Variants in NEGR1 observed in about 807,000 individuals in gnomAD.
NEGR1 encodes IgLON family member 4.
A neutral mutation model predicts 40.9 loss-of-function variants in NEGR1; 10 were observed. The ratio of observed to expected loss-of-function variants is 0.24; its 90% CI spans 0.15 to 0.42. The LOEUF is 0.42. NEGR1 is among the 10% of genes least tolerant of loss of function. The pLI, the probability that NEGR1 is intolerant of heterozygous loss-of-function variation, is 1.00. For synonymous variants in NEGR1, 185 were observed against 166.8 expected, an observed-to-expected ratio of 1.11 and a Z score of -0.84; for missense variants, 352 against 438.9, an observed-to-expected ratio of 0.80 and a Z score of 1.77.
chr1:71,589,576 T>C (rs643801), intron 6 of NEGR1, among the ~76,000 whole-genome samples: 136,101 of 152,090 alleles, frequency 0.89, 62,255 homozygotes, highest in Non-Finnish European at 1. Flanking sequence ...CTTAATTCTT[T>C]TCTTATGTAC....
intron 2 of NEGR1, among the ~76,000 whole-genome samples, chr1:71,864,610 A>C (rs757583486): frequency 2.6e-5 from 4 of 152,266 alleles, no homozygotes; most frequent in Non-Finnish European, 5.9e-5. Flanking sequence ...TGCAGCCTTC[A>C]AAGCACCTTC....
chr1:71,514,000 A>G (rs1244766884), intron 6 of NEGR1, among the ~76,000 whole-genome samples: 2 of 122,556 alleles, frequency 1.6e-5, no homozygotes, highest in African/African-American at 6.4e-5. Flanking sequence ...CCACCCGAAT[A>G]TTGCGCTTTT....
At chr1:72,143,572 G>A (rs992350008) in intron 1 of NEGR1, among the ~76,000 whole-genome samples, 13 of 151,564 alleles carry the variant, frequency 8.6e-5, no homozygotes, top group African/African-American at 2.9e-4. Context: ...ATTTTTAAAT[G>A]TGTGTAATTT....
At chr1:71,473,748 T>C (rs1341043509) in intron 6 of NEGR1, among the ~76,000 whole-genome samples, 1 of 152,048 alleles carries the variant, frequency 6.6e-6, no homozygotes, top group Non-Finnish European at 1.5e-5. Context: ...CAGTGGGTGG[T>C]AGTCATCAAA....
At chr1:72,014,025 T>C (rs1029194313) in intron 1 of NEGR1, among the ~76,000 whole-genome samples, 2 of 145,250 alleles carry the variant, frequency 1.4e-5, no homozygotes, top group Non-Finnish European at 3.0e-5. Context: ...AATCTAGAAA[T>C]TGTAGAATTT....
chr1:72,003,640 T>C (rs1197942454), intron 1 of NEGR1, among the ~76,000 whole-genome samples: 3 of 152,100 alleles, frequency 2.0e-5, no homozygotes, highest in Non-Finnish European at 4.4e-5. Flanking sequence ...TAACTAAACT[T>C]GTTTATCCTA....
chr1:71,523,337 G>T (rs1647175496), intron 6 of NEGR1, among the ~76,000 whole-genome samples: 1 of 151,850 alleles, frequency 6.6e-6, no homozygotes, highest in South Asian at 2.1e-4. Flanking sequence ...AATATTTACT[G>T]AATTTCTGGG....
chr1:72,159,472 T>C (rs936389403), intron 1 of NEGR1, among the ~76,000 whole-genome samples: 2 of 152,100 alleles, frequency 1.3e-5, no homozygotes, highest in Non-Finnish European at 2.9e-5. Context: ...CTCCCTGTGG[T>C]CTTCAAGGAC....
At chr1:72,024,492 T>A (rs1646789570) in intron 1 of NEGR1, among the ~76,000 whole-genome samples, 1 of 152,088 alleles carries the variant, frequency 6.6e-6, no homozygotes, top group Non-Finnish European at 1.5e-5. Context: ...ATAAATGGTG[T>A]CACAAAAGCA....
intron 2 of NEGR1, among the ~76,000 whole-genome samples, chr1:71,934,088 C>T (rs973308390): frequency 4.2e-4 from 64 of 152,040 alleles, no homozygotes; most frequent in African/African-American, 1.4e-3. Flanking sequence ...CATGCTCTGG[C>T]ACCACATTAT....
intron 4 of NEGR1, among the ~76,000 whole-genome samples, chr1:71,617,990 T>A (rs1401720931): frequency 6.6e-6 from 1 of 152,212 alleles, no homozygotes; most frequent in African/African-American, 2.4e-5. Context: ...CTCAATGGAC[T>A]CAGCCTTTCA....
chr1:71,991,764 T>C (rs1347335276), intron 1 of NEGR1, among the ~76,000 whole-genome samples: 1 of 152,040 alleles, frequency 6.6e-6, no homozygotes, highest in Non-Finnish European at 1.5e-5. Context: ...TGTCAGTAAA[T>C]GAATGAATGA....
chr1:71,611,121 T>A lies in NEGR1; in HGVS notation c.693A>T (p.Lys231Asn). 1 of 1,613,986 alleles carries A rather than the reference T, an allele frequency of 6.2e-7. No individual in the cohort carries two copies. The highest frequency in any genetic ancestry group is 8.5e-7 in the Non-Finnish European group (1 of 1,179,952). Residue 231 changes from lysine to asparagine, a missense_variant, in exon 5 of 7, where the codon AAA becomes AAT. By Grantham distance (94) the Lys-to-Asn change is moderately conservative (BLOSUM62 0). Coordinates refer to ENST00000357731, the MANE Select transcript of NEGR1 (RefSeq NM_173808.3). ...TGCGTCCGGGGGTCACGGTGCCAGA[T>A]TTAATTTCCTGAATAGTAGGAGCAA... ...VNFAPTIQEI[K>N]SGTVTPGRSG...
chr1:72,140,224 T>TTTGTTGTTG (rs59526560), intron 1 of NEGR1, among the ~76,000 whole-genome samples: 7,992 of 150,680 alleles, frequency 0.053, 248 homozygotes, highest in African/African-American at 0.061. Flanking sequence ...GATAACTGTT[T>TTTGTTGTTG]TTGTTGTTGT....
At chr1:71,685,265 A>G (rs1160809252) in intron 4 of NEGR1, among the ~76,000 whole-genome samples, 1 of 151,240 alleles carries the variant, frequency 6.6e-6, no homozygotes, top group Non-Finnish European at 1.5e-5. Flanking sequence ...TACTTTTAGC[A>G]TTTAGTGATA....
At chr1:71,439,386 A>G (rs990471889) in intron 6 of NEGR1, among the ~76,000 whole-genome samples, 86 of 152,292 alleles carry the variant, frequency 5.6e-4, no homozygotes, top group African/African-American at 2.0e-3. Context: ...TTTTTGAGAC[A>G]GGATCTGACT....
At chr1:72,265,688 C>T (rs568131945) in intron 1 of NEGR1, among the ~76,000 whole-genome samples, 36 of 150,924 alleles carry the variant, frequency 2.4e-4, no homozygotes, top group Non-Finnish European at 4.8e-4. Flanking sequence ...TTAAGCATAC[C>T]TGCTAAGAAC....
chr1:71,722,201 G>A (rs980216826), intron 3 of NEGR1, among the ~76,000 whole-genome samples: 2 of 152,046 alleles, frequency 1.3e-5, no homozygotes, highest in African/African-American at 2.4e-5. Context: ...AACAACTCAC[G>A]AACTGAGATG....
chr1:71,433,310 G>C (rs533067149), intron 6 of NEGR1, among the ~76,000 whole-genome samples: 3 of 152,142 alleles, frequency 2.0e-5, no homozygotes, highest in Non-Finnish European at 4.4e-5. Context: ...ACAAATTAAC[G>C]TATCTATCAT....
Sources: allele counts gnomAD v4.1 joint callset (sites outside exome capture counted in the v4.1 genomes callset), GRCh38; gene constraint gnomAD v4.1.1; transcripts MANE v1.5; gene names NCBI Gene and HGNC (gene_info 2026-07-23, HGNC 2026-07-21).